Variants in AR observed in about 807,000 individuals in gnomAD.
AR encodes androgen receptor, also known as dihydrotestosterone receptor.
Under a neutral mutation model 53.9 loss-of-function variants are expected in AR, and 8 were observed. The observed-to-expected ratio is 0.15, with a 90% CI of 0.09 to 0.27. The LOEUF (loss-of-function observed/expected upper bound fraction) is 0.27, where lower values mean the gene tolerates loss of function less well. Among genes scored for constraint, AR ranks in the 10% least tolerant of loss-of-function variants. AR has a pLI of 1.00. For synonymous variants in AR, 359 were observed against 316.4 expected (o/e 1.13, Z -1.43); for missense variants, 639 against 742.5 (o/e 0.86, Z 1.62).
intron 3 of AR, chrX:67,689,468 A>G: frequency 3.4e-6 from 2 of 587,440 alleles, no homozygotes; most frequent in Non-Finnish European, 4.5e-6. Context: ...TGGTGATGGA[A>G]TCTCTTCAGT....
At chrX:67,703,944 C>T (rs2076053862) in intron 3 of AR, among the ~76,000 whole-genome samples, 1 of 111,420 alleles carries the variant, frequency 9.0e-6, no homozygotes, top group African/African-American at 3.3e-5. Flanking sequence ...TGGTTTCCAG[C>T]TTCATCCATG....
intron 1 of AR, among the ~76,000 whole-genome samples, chrX:67,591,487 C>T (rs1284226558): frequency 9.0e-6 from 1 of 111,673 alleles, no homozygotes; most frequent in Non-Finnish European, 1.9e-5. Context: ...TGGTTCCCTT[C>T]TCCTACCTCC....
At chrX:67,667,791 G>T (rs1172027214) in intron 2 of AR, among the ~76,000 whole-genome samples, 2 of 109,717 alleles carry the variant, frequency 1.8e-5, no homozygotes, top group African/African-American at 6.6e-5. Context: ...ATTTGACTAA[G>T]TTTATTGCTA....
intron 3 of AR, chrX:67,689,778 G>C: frequency 1.3e-6 from 1 of 794,539 alleles, no homozygotes; most frequent in African/African-American, 2.2e-5. Context: ...TACAAAAAAA[G>C]TCCAAATGAG....
Position 67,694,621 on chromosome X carries a change from A to G in AR, c.1885+8495A>G. ...CATCTGATTATGGAGCCTGCTAGAT[A>G]CAAGCCCGTATTTAGACTGCTACAG... On this transcript the variant is annotated intron_variant, in intron 3 of 7. Transcript: ENST00000374690. 3 of 1,152,285 alleles carry G rather than the reference A, an allele frequency of 2.6e-6. No homozygotes were observed. The South Asian group carries it at 5.7e-5, about 22-fold the overall frequency. 95.0% of individuals were successfully genotyped at this position (1,152,285 alleles called of 1,213,427 possible).
chrX:67,606,334 C>T (rs759827788), intron 1 of AR, among the ~76,000 whole-genome samples: 9 of 111,526 alleles, frequency 8.1e-5, no homozygotes, highest in African/African-American at 9.8e-5. Flanking sequence ...TTTTAATTGA[C>T]AAAATATAAT....
At chrX:67,608,181 G>T (rs1052328534) in intron 1 of AR, among the ~76,000 whole-genome samples, 1 of 112,125 alleles carries the variant, frequency 8.9e-6, no homozygotes, top group Non-Finnish European at 1.9e-5. Context: ...TTTACTATTT[G>T]CAGTGGAATT....
At chrX:67,687,620 G>T (rs1310388454) in intron 3 of AR, among the ~76,000 whole-genome samples, 2 of 111,842 alleles carry the variant, frequency 1.8e-5, no homozygotes, top group African/African-American at 6.5e-5. Flanking sequence ...GGCAGGAAGG[G>T]TGACAAAGTG....
intron 1 of AR, among the ~76,000 whole-genome samples, chrX:67,630,337 A>G (rs1478941925): frequency 9.0e-6 from 1 of 111,525 alleles, no homozygotes; most frequent in African/African-American, 3.3e-5. Context: ...TTGGGTGCAT[A>G]TATATTTAGG....
chrX:67,654,675 A>T (rs1177913519), intron 2 of AR, among the ~76,000 whole-genome samples: 2 of 107,798 alleles, frequency 1.9e-5, no homozygotes, highest in Non-Finnish European at 3.8e-5. Flanking sequence ...ATTATTCTCC[A>T]TATTTTCCAG....
In AR at chrX:67,703,205, G is replaced by C. The variant is rs2076050050; in HGVS notation, c.1886-8197G>C. On this transcript the variant is annotated intron_variant, in intron 3 of 7. Coordinates refer to ENST00000374690, the MANE Select transcript of AR (RefSeq NM_000044.6). ...AATTGAGCAATAAAATTCTCTCTTTGGTTTCTACCTTTCTTATTTATTATT... is the reference window on the plus strand; with the variant it reads ...AATTGAGCAATAAAATTCTCTCTTTCGTTTCTACCTTTCTTATTTATTATT... Among the ~76,000 whole-genome samples, 3 of 111,764 alleles carry C rather than the reference G, an allele frequency of 2.7e-5. No homozygotes were observed. In the South Asian group the frequency reaches 1.1e-3, roughly 42 times the overall value.
rs2147317607 is a variant in AR, at chrX:67,545,788, C to T, written c.642C>T (p.Ala214=). Reference sequence around the variant, plus strand: ...GCAGCAGCGGGAGAGCGAGGGAGGCCTCGGGGGCTCCCACTTCCTCCAAGG... The same window carrying T: ...GCAGCAGCGGGAGAGCGAGGGAGGCTTCGGGGGCTCCCACTTCCTCCAAGG... ...EGSSSGRARE[A]SGAPTSSKDN... is the part of the protein sequence containing the mutation. Residue 214 remains alanine (A), a synonymous_variant, in exon 1 of 8, where the codon GCC becomes GCT. Transcript: ENST00000374690. 8.3e-7 allele frequency: 1 copy of T among 1,212,062 alleles called. No individual in the cohort carries two copies.
chrX:67,612,475 C>T (rs1283516791), intron 1 of AR, among the ~76,000 whole-genome samples: 3 of 112,311 alleles, frequency 2.7e-5, no homozygotes, highest in African/African-American at 9.7e-5. Context: ...CATTCCTTTG[C>T]ACATGCTGTT....
chrX:67,604,927 G>A (rs1054544224), intron 1 of AR, among the ~76,000 whole-genome samples: 3 of 111,689 alleles, frequency 2.7e-5, no homozygotes, highest in Non-Finnish European at 3.8e-5. Flanking sequence ...AATAAGAGTA[G>A]GGTTTCCTAC....
In AR at chrX:67,711,464, A is replaced by C. The variant is rs1230215817; in HGVS notation, c.1948A>C (p.Thr650Pro). The C allele has an allele frequency of 1.7e-6, 2 of 1,207,212 alleles. No individual in the cohort carries two copies. Among genetic ancestry groups the C allele is most frequent in the Non-Finnish European group, 2.2e-6 (2 of 893,041 alleles). ...LQEEGEASST[T>P]SPTEETTQKL... is the part of the protein sequence containing the mutation. ...GGAGGAAGGAGAGGCTTCCAGCACCACCAGCCCCACTGAGGAGACAACCCA... is the reference window on the plus strand; with the variant it reads ...GGAGGAAGGAGAGGCTTCCAGCACCCCCAGCCCCACTGAGGAGACAACCCA... Residue 650 changes from threonine (T) to proline (P), a missense_variant, in exon 4 of 8, where the codon ACC becomes CCC. Thr to Pro is a conservative substitution (Grantham distance 38). Coordinates refer to ENST00000374690, the MANE Select transcript of AR (RefSeq NM_000044.6).
intron 1 of AR, among the ~76,000 whole-genome samples, chrX:67,577,398 A>T (rs1307907932): frequency 1.8e-5 from 2 of 110,741 alleles, no homozygotes; most frequent in Non-Finnish European, 3.8e-5. Flanking sequence ...GGTTGTTTTC[A>T]TCCTTTTTTT....
Position 67,544,407 on chromosome X carries a change from T to G in AR, c.-740T>G, listed in dbSNP as rs1602142435. 1 of 90,397 alleles carries G rather than the reference T, an allele frequency of 1.1e-5. No homozygotes were observed. The highest frequency in any genetic ancestry group is 2.0e-5 in the Non-Finnish European group (1 of 50,356). The allele number at this position is 90,397 out of a possible 1,213,427, so 7.4% of individuals were successfully genotyped here. A position where few individuals can be genotyped will look rare whatever the true frequency, so the allele number is the denominator to read the frequency against. On this transcript the variant is annotated 5_prime_UTR_variant, in exon 1 of 8. Transcript: ENST00000374690. ...GTCTTCTCTCCCGCAGCTGCCTCAG[T>G]CGGCTACTCTCAGCCAACCCCCCTC...
At chrX:67,630,357 T>A (rs1428890425) in intron 1 of AR, among the ~76,000 whole-genome samples, 2 of 111,918 alleles carry the variant, frequency 1.8e-5, no homozygotes, top group African/African-American at 6.5e-5. Context: ...GATACTTAGC[T>A]CTTCTTGTTG....
chrX:67,691,449 A>G (rs1288552622), intron 3 of AR, among the ~76,000 whole-genome samples: 2 of 112,109 alleles, frequency 1.8e-5, no homozygotes, highest in African/African-American at 6.5e-5. Flanking sequence ...AGGAAGATTT[A>G]CAATCCTTAT....
Sources: allele counts gnomAD v4.1 joint callset (sites outside exome capture counted in the v4.1 genomes callset), GRCh38; gene constraint gnomAD v4.1.1; transcripts MANE v1.5; gene names NCBI Gene and HGNC (gene_info 2026-07-23, HGNC 2026-07-21).